GABRA5: variants seen among roughly 807,000 people sequenced by gnomAD.
GABRA5 encodes the protein gamma-aminobutyric acid type A receptor subunit alpha5, also known as gamma-aminobutyric acid receptor subunit alpha-5.
GABRA5 carries 18 observed loss-of-function variants against 47.3 expected under a neutral mutation model. The ratio of observed to expected loss-of-function variants is 0.38; its 90% CI spans 0.26 to 0.56. The LOEUF is 0.56. Among genes scored for constraint, GABRA5 ranks in the 20% least tolerant of loss-of-function variants. The probability of loss-of-function intolerance (pLI) is 0.71; values close to 1 mark genes in which losing one functional copy is unlikely to be tolerated. For missense variants in GABRA5, 365 were observed against 599.3 expected, an observed-to-expected ratio of 0.61 and a Z score of 4.08; for synonymous variants, 237 against 229.3, an observed-to-expected ratio of 1.03 and a Z score of -0.30.
chr15:26,916,295 C>G (rs536217431), intron 7 of GABRA5, among the ~76,000 whole-genome samples: 1 of 152,184 alleles, frequency 6.6e-6, no homozygotes, highest in South Asian at 2.1e-4. Context: ...ATTTTCCTTT[C>G]CTCTTTAAAA....
intron 7 of GABRA5, among the ~76,000 whole-genome samples, chr15:26,929,236 T>C (rs1343016530): frequency 1.3e-5 from 2 of 152,236 alleles, no homozygotes; most frequent in East Asian, 1.9e-4. Flanking sequence ...AGACAAGTTG[T>C]GTGCTTCCAA....
At chr15:26,921,512 G>T (rs1305486360) in intron 7 of GABRA5, among the ~76,000 whole-genome samples, 1 of 151,968 alleles carries the variant, frequency 6.6e-6, no homozygotes, top group Admixed American at 6.6e-5. Flanking sequence ...ATTGATAGAG[G>T]TTTTTCAATT....
Position 26,937,329 on chromosome 15 carries a change from G to T in GABRA5, c.724+1G>T, listed in dbSNP as rs1566886600. ...ACTGAGAACATCAGCACCAGCACAGGTGAGGGCTCGGCACGCGCTGTGCTG... is the reference window on the plus strand; with the variant it reads ...ACTGAGAACATCAGCACCAGCACAGTTGAGGGCTCGGCACGCGCTGTGCTG... On this transcript the variant is annotated splice_donor_variant, in intron 8 of 10. Coordinates refer to ENST00000335625, the MANE Select transcript of GABRA5 (RefSeq NM_000810.4). LOFTEE classifies it high-confidence loss of function. 1.2e-6 allele frequency: 2 copies of T among 1,606,300 alleles called. No homozygotes were observed. The highest frequency in any genetic ancestry group is 1.7e-6 in the Non-Finnish European group (2 of 1,176,010).
intron 6 of GABRA5, among the ~76,000 whole-genome samples, chr15:26,885,060 G>C (rs925676855): frequency 6.6e-6 from 1 of 152,148 alleles, no homozygotes. Context: ...ACTTTGGGAG[G>C]CCGAGGCGGG....
chr15:26,892,695 A>C (rs566612196), intron 6 of GABRA5, among the ~76,000 whole-genome samples: 1 of 152,350 alleles, frequency 6.6e-6, no homozygotes, highest in Admixed American at 6.5e-5. Context: ...GCATTGCTTC[A>C]AGCAATATTA....
intron 4 of GABRA5, among the ~76,000 whole-genome samples, chr15:26,882,054 T>C (rs764431592): frequency 1.3e-5 from 2 of 152,234 alleles, no homozygotes; most frequent in Non-Finnish European, 2.9e-5. Context: ...TGCCACTCTC[T>C]GCCTTTTGGG....
At chr15:26,899,497 A>G (rs1234858776) in intron 6 of GABRA5, among the ~76,000 whole-genome samples, 2 of 152,148 alleles carry the variant, frequency 1.3e-5, no homozygotes, top group African/African-American at 4.8e-5. Flanking sequence ...TGTTCTCTCT[A>G]GATACTCTAC....
intron 3 of GABRA5, 43 bp from the exon 4 acceptor site, chr15:26,880,803 A>C: frequency 6.2e-7 from 1 of 1,601,164 alleles, no homozygotes; most frequent in South Asian, 1.1e-5. Context: ...ATTTGTAAGA[A>C]ATAATATGTT....
chr15:26,890,002 T>C (rs1382802505), intron 6 of GABRA5, among the ~76,000 whole-genome samples: 1 of 152,250 alleles, frequency 6.6e-6, no homozygotes, highest in African/African-American at 2.4e-5. Context: ...ATATACAGCA[T>C]TGAAAACATT....
At chr15:26,890,416 A>C (rs988210908) in intron 6 of GABRA5, among the ~76,000 whole-genome samples, 7 of 146,208 alleles carry the variant, frequency 4.8e-5, no homozygotes, top group Non-Finnish European at 1.0e-4. Context: ...CAAGATTTGT[A>C]GTCACTTCAA....
intron 8 of GABRA5, chr15:26,939,412 C>T (rs1354228210): frequency 1.3e-6 from 1 of 765,206 alleles, no homozygotes; most frequent in Non-Finnish European, 2.4e-6. Context: ...GCTGCCAGGA[C>T]CCAGAGCCTC....
At chr15:26,942,161 C>G (rs1028082270) in intron 9 of GABRA5, among the ~76,000 whole-genome samples, 1 of 152,208 alleles carries the variant, frequency 6.6e-6, no homozygotes, top group African/African-American at 2.4e-5. Flanking sequence ...TCGCTAAACA[C>G]TTTTAAATCT....
At chr15:26,898,770 TA>T (rs1370314751) in intron 6 of GABRA5, among the ~76,000 whole-genome samples, 1 of 151,782 alleles carries the variant, frequency 6.6e-6, no homozygotes, top group Non-Finnish European at 1.5e-5. Flanking sequence ...CCTTAATGTG[TA>T]AAGTTCAGTT....
At chr15:26,942,015 C>A (rs903414843) in intron 9 of GABRA5, among the ~76,000 whole-genome samples, 7 of 152,184 alleles carry the variant, frequency 4.6e-5, no homozygotes, top group East Asian at 1.9e-4. Context: ...GTGTGTTACA[C>A]CCCCATCGCC....
chr15:26,936,068 C>T (rs1019921776), intron 7 of GABRA5, among the ~76,000 whole-genome samples: 29 of 152,126 alleles, frequency 1.9e-4, no homozygotes, highest in African/African-American at 6.3e-4. Flanking sequence ...GTGAGTCTCA[C>T]GAGATCTGAT....
intron 9 of GABRA5, among the ~76,000 whole-genome samples, chr15:26,940,375 A>G (rs1321394638): frequency 6.6e-6 from 1 of 152,180 alleles, no homozygotes; most frequent in African/African-American, 2.4e-5. Context: ...AGATTTTGCT[A>G]TGCAGGTTGA....
chr15:26,877,083 C>T (rs1371758365), intron 3 of GABRA5, among the ~76,000 whole-genome samples: 1 of 152,210 alleles, frequency 6.6e-6, no homozygotes, highest in African/African-American at 2.4e-5. Context: ...ATTTCAGGAG[C>T]TGCAGGGAGA....
At chr15:26,871,517 T>C (rs1484429045) in intron 3 of GABRA5, among the ~76,000 whole-genome samples, 2 of 152,192 alleles carry the variant, frequency 1.3e-5, no homozygotes, top group Non-Finnish European at 2.9e-5. Context: ...ATATGGCCAG[T>C]AATCCATCAT....
rs1892789468 is a variant in GABRA5 at position 26,883,444 on chromosome 15, C to G, written c.384C>G (p.Ile128Met). The G allele has an allele frequency of 1.2e-6, 2 of 1,614,200 alleles. No homozygotes were observed. The highest frequency in any genetic ancestry group is 1.7e-6 in the Non-Finnish European group (2 of 1,180,008). Residue 128 changes from isoleucine (I) to methionine (M), a missense_variant, in exon 6 of 11, where the codon ATC (isoleucine) becomes ATG (methionine). Ile to Met is a conservative substitution (Grantham distance 10). Around this residue, in one of 3 missense-constraint regions of GABRA5, gnomAD observed 216 missense variants for 335.3 expected, o/e 0.64. Transcript: ENST00000335625. This position sits in a 1 kb window ranked among gnomAD's most constrained non-coding sequence, Gnocchi z 4.8. ...TCAACAACCTCCTTGCCAGCAAGAT[C>G]TGGACCCCAGACACGTTCTTCCACA... Reference protein sequence around the residue: ...LPLNNLLASKIWTPDTFFHNG... With the variant: ...LPLNNLLASKMWTPDTFFHNG...
Sources: allele counts gnomAD v4.1 joint callset (sites outside exome capture counted in the v4.1 genomes callset), GRCh38; gene constraint gnomAD v4.1.1; regional missense constraint gnomAD v4.1.1; non-coding constraint Gnocchi (gnomAD v3.1); transcripts MANE v1.5; gene names NCBI Gene and HGNC (gene_info 2026-07-23, HGNC 2026-07-21).